The following SORCS3 variants were observed in gnomAD, a reference collection of about 807,000 sequenced individuals.
SORCS3 encodes VPS10 domain-containing receptor SorCS3.
A neutral mutation model predicts 146.3 loss-of-function variants in SORCS3; 57 were observed. The observed-to-expected ratio is 0.39, with a 90% confidence interval of 0.31 to 0.49. The LOEUF (loss-of-function observed/expected upper bound fraction) is 0.49, where lower values mean the gene tolerates loss of function less well. SORCS3 is among the 20% of genes least tolerant of loss of function. The probability of loss-of-function intolerance (pLI) is 0.92; values close to 1 mark genes in which losing one functional copy is unlikely to be tolerated. For missense variants in SORCS3, 1,341 were observed against 1,575.5 expected, an observed-to-expected ratio of 0.85 and a Z score of 2.52; for synonymous variants, 653 against 618.5, an observed-to-expected ratio of 1.06 and a Z score of -0.83.
intron 1 of SORCS3, among the ~76,000 whole-genome samples, chr10:104,688,424 G>A (rs1229450179): frequency 4.0e-5 from 6 of 150,762 alleles, no homozygotes; most frequent in South Asian, 2.1e-4. Context: ...TGCAGAGGGC[G>A]TTGTGAATCA....
intron 5 of SORCS3, among the ~76,000 whole-genome samples, chr10:105,080,608 T>C (rs2055617454): frequency 6.6e-6 from 1 of 152,228 alleles, no homozygotes; most frequent in Non-Finnish European, 1.5e-5. Context: ...TTGTGAAATC[T>C]TCCAGTTCCT....
intron 11 of SORCS3, 109 bp downstream of exon 11, chr10:105,159,103 C>A: frequency 1.4e-6 from 1 of 711,000 alleles, no homozygotes; most frequent in South Asian, 1.8e-5. Flanking sequence ...AAGCTGTGAG[C>A]ACTCGCCCCA....
chr10:105,245,326 ATTTCT>A (rs932975840), intron 20 of SORCS3, among the ~76,000 whole-genome samples: 1 of 152,126 alleles, frequency 6.6e-6, no homozygotes, highest in African/African-American at 2.4e-5. Context: ...TCTTATCCTT[ATTTCT>A]AGAATTTAAT....
chr10:104,988,867 TG>T (rs2054977239), intron 4 of SORCS3, among the ~76,000 whole-genome samples: 1 of 152,210 alleles, frequency 6.6e-6, no homozygotes, highest in Admixed American at 6.6e-5. Context: ...GTTAATTCCA[TG>T]GCATGATGAA....
chr10:104,998,738 T>C (rs986234987), intron 4 of SORCS3, among the ~76,000 whole-genome samples: 2 of 152,136 alleles, frequency 1.3e-5, no homozygotes, highest in African/African-American at 4.8e-5. Flanking sequence ...TGGGTAATAG[T>C]TGGCTAATGG....
chr10:104,671,324 C>CTTTTTTTTTTTTTT (rs1564655720), intron 1 of SORCS3, among the ~76,000 whole-genome samples: 1 of 17,530 alleles, frequency 5.7e-5, no homozygotes, highest in South Asian at 3.0e-3. Flanking sequence ...TCATTCTTTT[C>CTTTTTTTTTTTTTT]CTTTTTTTTT....
chr10:105,236,316 A>G (rs2056792746), intron 20 of SORCS3, among the ~76,000 whole-genome samples: 1 of 152,142 alleles, frequency 6.6e-6, no homozygotes, highest in Non-Finnish European at 1.5e-5. Flanking sequence ...CCAGTCCCAG[A>G]TGCTTTAGCT....
chr10:104,774,939 C>A (rs1564680561), intron 1 of SORCS3, among the ~76,000 whole-genome samples: 1 of 152,096 alleles, frequency 6.6e-6, no homozygotes, highest in Non-Finnish European at 1.5e-5. Context: ...GTTCTAATTC[C>A]CAAGGACATA....
intron 2 of SORCS3, among the ~76,000 whole-genome samples, chr10:104,899,246 A>G (rs1403650936): frequency 6.6e-6 from 1 of 152,208 alleles, no homozygotes; most frequent in East Asian, 1.9e-4. Flanking sequence ...TAGTTTTTAA[A>G]CAGAGAATTC....
At chr10:104,912,971 G>A (rs968166487) in intron 2 of SORCS3, among the ~76,000 whole-genome samples, 5 of 152,096 alleles carry the variant, frequency 3.3e-5, no homozygotes, top group East Asian at 1.9e-4. Flanking sequence ...TGGATAGTTC[G>A]GACAAGGAGA....
At chr10:105,049,614 T>A (rs1048364495) in intron 5 of SORCS3, among the ~76,000 whole-genome samples, 7 of 152,214 alleles carry the variant, frequency 4.6e-5, no homozygotes, top group African/African-American at 9.6e-5. Flanking sequence ...TAAGAAGAAG[T>A]TTATCATATC....
At chr10:105,259,913 T>A (rs1053351516) in intron 25 of SORCS3, among the ~76,000 whole-genome samples, 1 of 152,226 alleles carries the variant, frequency 6.6e-6, no homozygotes, top group East Asian at 1.9e-4. Flanking sequence ...CCTGTATGAA[T>A]GTTGGTCCAA....
chr10:105,094,622 G>A (rs2055733033), intron 6 of SORCS3, among the ~76,000 whole-genome samples: 1 of 152,166 alleles, frequency 6.6e-6, no homozygotes, highest in South Asian at 2.1e-4. Flanking sequence ...TCAAATGATG[G>A]ACAAGTATTA....
At chr10:105,025,149 T>C (rs2133691444) in intron 4 of SORCS3, among the ~76,000 whole-genome samples, 1 of 152,348 alleles carries the variant, frequency 6.6e-6, no homozygotes, top group East Asian at 1.9e-4. Flanking sequence ...GAGAGCTGTT[T>C]TCCCCTTGCT....
At chr10:104,732,793 T>C (rs2016723088) in intron 1 of SORCS3, among the ~76,000 whole-genome samples, 1 of 152,150 alleles carries the variant, frequency 6.6e-6, no homozygotes. Context: ...CTAGATGGCC[T>C]ATTTAGCTGG....
chr10:104,762,917 C>G (rs1037044623), intron 1 of SORCS3, among the ~76,000 whole-genome samples: 1 of 152,152 alleles, frequency 6.6e-6, no homozygotes, highest in African/African-American at 2.4e-5. Flanking sequence ...ACCTGGGAGT[C>G]TGTGACAAAT....
chr10:105,191,471 G>C (rs2056516593), intron 14 of SORCS3, among the ~76,000 whole-genome samples: 1 of 151,992 alleles, frequency 6.6e-6, no homozygotes, highest in Non-Finnish European at 1.5e-5. Flanking sequence ...AGAAATGAAA[G>C]GTTTGCAATC....
chr10:105,031,303 A>C (rs1028903747), intron 4 of SORCS3, among the ~76,000 whole-genome samples: 9 of 146,012 alleles, frequency 6.2e-5, no homozygotes, highest in African/African-American at 2.1e-4. Context: ...TAGTCTCAAA[A>C]AAACAAACAA....
chr10:104,816,092 G>C (rs1241030298), intron 1 of SORCS3, among the ~76,000 whole-genome samples: 1 of 152,034 alleles, frequency 6.6e-6, no homozygotes, highest in Non-Finnish European at 1.5e-5. Context: ...TGGAATATAA[G>C]AGTATATTAC....
Sources: gnomAD v4.1 joint callset for allele counts (sites outside exome capture counted in the v4.1 genomes callset) on GRCh38, gnomAD v4.1.1 for gene constraint, MANE v1.5 for transcripts, NCBI Gene and HGNC (gene_info 2026-07-23, HGNC 2026-07-21) for gene names.